Variants in ACSS2 observed in about 807,000 individuals in gnomAD.
ACSS2 encodes the protein acyl-CoA synthetase short chain family member 2.
A neutral mutation model predicts 90.6 loss-of-function variants in ACSS2; 58 were observed. That is an observed-to-expected ratio of 0.64 (90% CI 0.52 to 0.80). The LOEUF (loss-of-function observed/expected upper bound fraction) is 0.80, where lower values mean the gene tolerates loss of function less well. Among genes scored for constraint, ACSS2 ranks in the 30% least tolerant of loss-of-function variants. The pLI is 0.00. For missense variants in ACSS2, 759 were observed against 912.0 expected, an observed-to-expected ratio of 0.83 and a Z score of 2.16; for synonymous variants, 300 against 330.9, an observed-to-expected ratio of 0.91 and a Z score of 1.01.
At chr20:34,922,027 G>A (rs2081215344) in intron 13 of ACSS2, 161 bp downstream of exon 13, 5 of 1,399,202 alleles carry the variant, frequency 3.6e-6, no homozygotes, top group Admixed American at 6.2e-5. Context: ...GGGGACCCTC[G>A]ATACTTTGCC....
At chr20:34,926,420 C>T in intron 16 of ACSS2, 139 bp downstream of exon 16, 1 of 757,510 alleles carries the variant, frequency 1.3e-6, no homozygotes, top group Non-Finnish European at 2.1e-6. Flanking sequence ...GCTGATTGCC[C>T]TCTTCCTGTT....
chr20:34,909,193 G>GT (rs1431560934), intron 2 of ACSS2, among the ~76,000 whole-genome samples: 1 of 69,356 alleles, frequency 1.4e-5, no homozygotes, highest in Non-Finnish European at 2.6e-5. Flanking sequence ...TCCTGTCTTT[G>GT]CAAAAAAAAA....
Position 34,919,420 on chromosome 20 carries a change from T to C in ACSS2, c.835-15T>C, listed in dbSNP as rs2147092920. The C allele has an allele frequency of 1.2e-6, 2 of 1,613,764 alleles. No homozygotes were observed. Among genetic ancestry groups the C allele is most frequent in the Non-Finnish European group, 1.7e-6 (2 of 1,179,930 alleles). The stretch of plus-strand genomic sequence containing the variant: ...TCTTGAGCTGTTCACAGTTCTTCCC[T>C]GCCCATCCCTGCAGATCTCATGGAA... On this transcript the variant is annotated splice_polypyrimidine_tract_variant and intron_variant, in intron 7 of 17. Transcript: ENST00000360596.
At chr20:34,883,047 A>T (rs1359075812) in intron 2 of ACSS2, 58 bp downstream of exon 2, 24 of 1,365,192 alleles carry the variant, frequency 1.8e-5, no homozygotes, top group Non-Finnish European at 2.4e-5. Flanking sequence ...GATACTTACA[A>T]CAACCCAGTA....
intron 3 of ACSS2, 68 bp downstream of exon 3, chr20:34,913,255 G>T: frequency 2.5e-6 from 4 of 1,571,602 alleles, no homozygotes; most frequent in Non-Finnish European, 1.8e-6. Context: ...TGAGACTTAT[G>T]GGGAGAGGGC....
chr20:34,891,859 G>T (rs1037286421), intron 2 of ACSS2, among the ~76,000 whole-genome samples: 1 of 152,178 alleles, frequency 6.6e-6, no homozygotes, highest in Non-Finnish European at 1.5e-5. Flanking sequence ...TTTTTTGGAA[G>T]TAGGTGGCAT....
chr20:34,877,940 A>ATAGATAGATAGATAGATAGATAGT (rs958596109), intron 1 of ACSS2, among the ~76,000 whole-genome samples: 1 of 148,576 alleles, frequency 6.7e-6, no homozygotes, highest in Non-Finnish European at 1.5e-5. Context: ...AGATAGATAG[A>ATAGATAGATAGATAGATAGATAGT]TAGTTTGTTT....
chr20:34,913,132 A>G lies in ACSS2; in HGVS notation c.411A>G (p.Thr137=), dbSNP rs1286003582. 1 of 1,614,188 alleles carries G rather than the reference A, an allele frequency of 6.2e-7. No homozygotes were observed. The highest frequency in any genetic ancestry group is 8.5e-7 in the Non-Finnish European group (1 of 1,180,044). Residue 137 remains threonine (T), a synonymous_variant, in exon 3 of 18, where the codon ACA becomes ACG. Transcript: ENST00000360596. ...GNEPGETTQI[T]YHQLLVQVCQ... ...AGCCAGGGGAGACCACTCAGATCAC[A>G]TACCATCAGCTTCTGGTCCAAGTGT...
At chr20:34,880,628 G>A (rs756682777) in intron 1 of ACSS2, among the ~76,000 whole-genome samples, 1 of 151,686 alleles carries the variant, frequency 6.6e-6, no homozygotes, top group Non-Finnish European at 1.5e-5. Context: ...ATAAGACTGC[G>A]CCAATTTCTT....
chr20:34,884,813 C>A (rs981304131), intron 2 of ACSS2, among the ~76,000 whole-genome samples: 1 of 152,156 alleles, frequency 6.6e-6, no homozygotes, highest in African/African-American at 2.4e-5. Context: ...AATCCCAGCA[C>A]TTTGGGAGGC....
intron 2 of ACSS2, among the ~76,000 whole-genome samples, chr20:34,894,501 A>C (rs1362235872): frequency 4.0e-5 from 6 of 151,752 alleles, no homozygotes. Context: ...AAAAATAATA[A>C]TAATAAATAA....
upstream of ACSS2, chr20:34,875,280 G>C: frequency 2.2e-6 from 1 of 458,410 alleles, no homozygotes; most frequent in Non-Finnish European, 4.5e-6. Flanking sequence ...GGAAAGAAGA[G>C]AATGTGGGCC....
intron 1 of ACSS2, among the ~76,000 whole-genome samples, chr20:34,882,437 C>T (rs1029107071): frequency 1.3e-5 from 2 of 152,084 alleles, no homozygotes; most frequent in Middle Eastern, 3.2e-3. Flanking sequence ...GCCTGGCCAA[C>T]ATAGTGAAAC....
At chr20:34,888,411 T>G (rs2080251794) in intron 2 of ACSS2, among the ~76,000 whole-genome samples, 1 of 152,216 alleles carries the variant, frequency 6.6e-6, no homozygotes, top group Non-Finnish European at 1.5e-5. Flanking sequence ...TGAATGCACT[T>G]AAATATTAGC....
chr20:34,912,747 T>C (rs1396358922), intron 2 of ACSS2, among the ~76,000 whole-genome samples: 1 of 152,226 alleles, frequency 6.6e-6, no homozygotes, highest in Non-Finnish European at 1.5e-5. Context: ...CTCTGAATAA[T>C]GCAGTCTTGA....
At chr20:34,902,975 C>T (rs2080707077) in intron 2 of ACSS2, among the ~76,000 whole-genome samples, 1 of 151,310 alleles carries the variant, frequency 6.6e-6, no homozygotes, top group Admixed American at 6.6e-5. Context: ...TCAAGCAATC[C>T]TCCCACCTTG....
At chr20:34,910,196 A>G (rs1239200312) in intron 2 of ACSS2, among the ~76,000 whole-genome samples, 3 of 152,116 alleles carry the variant, frequency 2.0e-5, no homozygotes, top group Admixed American at 1.3e-4. Context: ...GTCTTCAATG[A>G]TATCTCAAGG....
At chr20:34,876,606 G>C, upstream of ACSS2, 4 of 1,294,132 alleles carry the variant, frequency 3.1e-6, no homozygotes, top group South Asian at 1.0e-4. Flanking sequence ...GGCACCCGCC[G>C]CGACCGCAAA....
At chr20:34,877,066 G>C (rs1489437333) in intron 1 of ACSS2, among the ~76,000 whole-genome samples, 1 of 152,186 alleles carries the variant, frequency 6.6e-6, no homozygotes, top group Non-Finnish European at 1.5e-5. Context: ...TTTTTGCGAG[G>C]AGACGCGGGA....
Sources: gnomAD v4.1 joint callset for allele counts (sites outside exome capture counted in the v4.1 genomes callset) on GRCh38, gnomAD v4.1.1 for gene constraint, MANE v1.5 for transcripts, NCBI Gene and HGNC (gene_info 2026-07-23, HGNC 2026-07-21) for gene names.